ADCY3: variants seen among roughly 807,000 people sequenced by gnomAD.
ADCY3 encodes adenylate cyclase type 3.
A neutral mutation model predicts 119.4 loss-of-function variants in ADCY3; 70 were observed. The ratio of observed to expected loss-of-function variants is 0.59; its 90% CI spans 0.48 to 0.72. ADCY3 has a LOEUF of 0.72. Among genes scored for constraint, ADCY3 ranks in the 30% least tolerant of loss-of-function variants. The pLI, the probability that ADCY3 is intolerant of heterozygous loss-of-function variation, is 0.00. For missense variants in ADCY3, 1,238 were observed against 1,541.6 expected, an observed-to-expected ratio of 0.80 and a Z score of 3.30; for synonymous variants, 672 against 621.4, an observed-to-expected ratio of 1.08 and a Z score of -1.21.
intron 3 of ADCY3, among the ~76,000 whole-genome samples, chr2:24,866,880 A>G (rs1422792770): frequency 6.6e-6 from 1 of 152,174 alleles, no homozygotes; most frequent in Non-Finnish European, 1.5e-5. Flanking sequence ...GCCCATCAAA[A>G]CATTGTCTGA....
In ADCY3 at chr2:24,841,971, A is replaced by T. The variant is rs1671065613; in HGVS notation, c.956+283T>A. On this transcript the variant is annotated intron_variant, in intron 4 of 21. Transcript: ENST00000679454. The surrounding 1 kb of genome is among the most constrained non-coding windows in gnomAD (Gnocchi z 5.8). ...TCCTAGAATCACAGGTCAGGGCTCT[A>T]GCCCCAGTGCTGGCCCTCAACAGCT... 6.6e-6 allele frequency among the ~76,000 whole-genome samples: 1 copy of T among 152,182 alleles called. No individual in the cohort carries two copies. Among genetic ancestry groups the T allele is most frequent in the East Asian group, 1.9e-4 (1 of 5,192 alleles).
intron 21 of ADCY3, 84 bp from the exon 22 acceptor site, chr2:24,820,198 C>T (rs529493727): frequency 1.7e-5 from 22 of 1,283,786 alleles, no homozygotes; most frequent in East Asian, 1.0e-4. Context: ...TGGTTGGAGC[C>T]GAGCACTGAT....
chr2:24,903,757 G>A (rs1052944672), intron 2 of ADCY3, among the ~76,000 whole-genome samples: 15 of 152,240 alleles, frequency 9.9e-5, no homozygotes, highest in African/African-American at 3.6e-4. Flanking sequence ...AGCACGGCTC[G>A]CCAGCTGAAC....
At chr2:24,824,271 C>T in intron 17 of ADCY3, 107 bp downstream of exon 17, 1 of 1,429,328 alleles carries the variant, frequency 7.0e-7, no homozygotes, top group East Asian at 2.3e-5. Context: ...ACCTAGGCCC[C>T]AGTCCCCTGT....
chr2:24,822,872 G>A (rs1448273191), intron 18 of ADCY3, among the ~76,000 whole-genome samples: 2 of 152,144 alleles, frequency 1.3e-5, no homozygotes, highest in Admixed American at 6.6e-5. Context: ...GGGGCTCCGC[G>A]CGTGTGTAAA....
intron 2 of ADCY3, among the ~76,000 whole-genome samples, chr2:24,885,255 C>T (rs75973443): frequency 0.059 from 9,009 of 152,298 alleles, 360 homozygotes; most frequent in Non-Finnish European, 0.089. Context: ...GGAGTTATGC[C>T]CAGGCAGAGT....
rs951972229 is a variant in ADCY3, at chr2:24,919,863, G to C, written c.-378C>G. ...CGGGATCCGACCGGGAGAGGCGCAG[G>C]GCTGCCCCTCAGCATCCGCGGGCGC... is the stretch of plus-strand genomic sequence containing the variant. On this transcript the variant is annotated 5_prime_UTR_variant, in exon 1 of 22. Coordinates refer to ENST00000679454, the MANE Select transcript of ADCY3 (RefSeq NM_004036.5). This position sits in a 1 kb window ranked among gnomAD's most constrained non-coding sequence, Gnocchi z 5.5. 6.6e-6 allele frequency: 1 copy of C among 150,974 alleles called. No individual in the cohort carries two copies. Among genetic ancestry groups the C allele is most frequent in the Non-Finnish European group, 1.5e-5 (1 of 67,628 alleles). 9.4% of individuals were successfully genotyped at this position (150,974 alleles called of 1,614,324 possible). A position where few individuals can be genotyped will look rare whatever the true frequency, so the allele number is the denominator to read the frequency against.
intron 2 of ADCY3, among the ~76,000 whole-genome samples, chr2:24,904,267 C>T (rs182903102): frequency 6.6e-5 from 10 of 152,222 alleles, no homozygotes; most frequent in African/African-American, 2.4e-4. Flanking sequence ...TGGTGGCTCA[C>T]GCCTGTAATC....
At position 24,836,783 on chromosome 2, in the gene ADCY3, T is replaced by C; in HGVS notation, c.1662+134A>G. ...AGGGGTGACCTGTCCATGGTTACAG[T>C]GCTAAGCAGGAGCAGGTCCTGGGTG... is the stretch of plus-strand genomic sequence containing the variant. On this transcript the variant is annotated intron_variant, in intron 9 of 21. Coordinates refer to ENST00000679454, the MANE Select transcript of ADCY3 (RefSeq NM_004036.5). 4 of 1,343,896 alleles carry C rather than the reference T, an allele frequency of 3.0e-6. No individual in the cohort carries two copies. In the South Asian group the frequency reaches 6.1e-5, roughly 21 times the overall value. The allele number at this position is 1,343,896 out of a possible 1,614,324, so 83.2% of individuals were successfully genotyped here. A position where few individuals can be genotyped will look rare whatever the true frequency, so the allele number is the denominator to read the frequency against.
At chr2:24,896,583 TA>T (rs1678315940) in intron 2 of ADCY3, among the ~76,000 whole-genome samples, 2 of 152,136 alleles carry the variant, frequency 1.3e-5, no homozygotes, top group African/African-American at 4.8e-5. Context: ...CATATTCTTT[TA>T]AAGAGGACTC....
At chr2:24,895,751 G>A (rs1307541583) in intron 2 of ADCY3, among the ~76,000 whole-genome samples, 1 of 151,772 alleles carries the variant, frequency 6.6e-6, no homozygotes, top group East Asian at 1.9e-4. Context: ...TCAGCCTCCT[G>A]AGTAGCTGGG....
rs7604576 is a variant in ADCY3 at position 24,824,539 on chromosome 2, A to G, written c.2578-3T>C. On this transcript the variant is annotated splice_polypyrimidine_tract_variant and splice_region_variant and intron_variant, in intron 16 of 21. Coordinates refer to ENST00000679454, the MANE Select transcript of ADCY3 (RefSeq NM_004036.5). ...AGTGTCCGTGCCAGTTTTTCTACCT[A>G]CAGACACAGACAAGGCGAGGCATGT... The G allele has an allele frequency of 0.53, 849,510 of 1,613,354 alleles. 228,070 individuals are homozygous for G. Among genetic ancestry groups the G allele is most frequent in the Admixed American group, 0.71 (42,733 of 60,002 alleles).
chr2:24,893,031 C>CTTT (rs755410434), intron 2 of ADCY3, among the ~76,000 whole-genome samples: 8 of 122,882 alleles, frequency 6.5e-5, no homozygotes, highest in Non-Finnish European at 1.0e-4. Flanking sequence ...ATCTATGTGT[C>CTTT]TTTTTTTTTT....
chr2:24,837,151 C>G, intron 8 of ADCY3, 106 bp from the exon 9 acceptor site: 1 of 1,310,858 alleles, frequency 7.6e-7, no homozygotes, highest in East Asian at 2.6e-5. Context: ...AGAGAGCAAT[C>G]TGAGGCCACA....
intron 2 of ADCY3, among the ~76,000 whole-genome samples, chr2:24,902,449 C>A (rs975220089): frequency 1.3e-5 from 2 of 152,034 alleles, no homozygotes; most frequent in Non-Finnish European, 2.9e-5. Context: ...AAGCAAGATA[C>A]GAAAGACTGC....
At chr2:24,843,053 C>T (rs750000289) in intron 3 of ADCY3, among the ~76,000 whole-genome samples, 6 of 152,226 alleles carry the variant, frequency 3.9e-5, no homozygotes, top group African/African-American at 9.6e-5. Flanking sequence ...GAGCCCAAGA[C>T]GCGACGCTGA....
intron 19 of ADCY3, 149 bp from the exon 20 acceptor site, chr2:24,821,789 C>T (rs1480514359): frequency 1.1e-5 from 13 of 1,204,530 alleles, no homozygotes; most frequent in South Asian, 4.5e-5. Flanking sequence ...GTCGCAGCCA[C>T]GCTAGCTCTG....
chr2:24,866,942 A>G (rs1392217557), intron 3 of ADCY3, among the ~76,000 whole-genome samples: 1 of 152,238 alleles, frequency 6.6e-6, no homozygotes, highest in Non-Finnish European at 1.5e-5. Context: ...CTTCTGGAAC[A>G]TGGTAAAAAT....
rs537690069 is a variant in ADCY3, at chr2:24,829,099, C to T, written c.2173-938G>A. Among the ~76,000 whole-genome samples, 85 of 152,106 alleles carry T rather than the reference C, an allele frequency of 5.6e-4. 1 individual carries two copies. The highest frequency in any genetic ancestry group is 1.0e-3 in the Non-Finnish European group (71 of 68,002). On this transcript the variant is annotated intron_variant, in intron 13 of 21. Coordinates refer to ENST00000679454, the MANE Select transcript of ADCY3 (RefSeq NM_004036.5). ...TGGTGCATTCTTGGCTCACTGCAAC[C>T]TCCACCTCCCAGGTTCAAGCGATTC...
Sources: gnomAD v4.1 joint callset for allele counts (sites outside exome capture counted in the v4.1 genomes callset) on GRCh38, gnomAD v4.1.1 for gene constraint, Gnocchi (gnomAD v3.1) non-coding constraint, MANE v1.5 for transcripts, NCBI Gene and HGNC (gene_info 2026-07-23, HGNC 2026-07-21) for gene names.